The following RBFOX1 variants were observed in gnomAD, a reference collection of about 807,000 sequenced individuals.
RBFOX1 encodes RNA binding protein fox-1 homolog 1.
Under a neutral mutation model 57.7 loss-of-function variants are expected in RBFOX1, and 8 were observed. That is an observed-to-expected ratio of 0.14 (90% CI 0.08 to 0.25). The LOEUF is 0.25. Ranked by LOEUF, RBFOX1 falls within the 10% of genes least tolerant of loss-of-function variation. The probability of loss-of-function intolerance (pLI) is 1.00; values close to 1 mark genes in which losing one functional copy is unlikely to be tolerated. For missense variants in RBFOX1, 611 were observed against 548.5 expected, an observed-to-expected ratio of 1.11 and a Z score of -1.14; for synonymous variants, 326 against 222.4, an observed-to-expected ratio of 1.47 and a Z score of -4.15.
At chr16:5,359,359 G>T (rs957111902) in intron 1 of RBFOX1, among the ~76,000 whole-genome samples, 3 of 152,146 alleles carry the variant, frequency 2.0e-5, no homozygotes, top group Non-Finnish European at 4.4e-5. Flanking sequence ...TCATATGGTA[G>T]CTCCACTTTT....
At chr16:6,365,689 A>G (rs1254653834) in intron 2 of RBFOX1, among the ~76,000 whole-genome samples, 1 of 152,200 alleles carries the variant, frequency 6.6e-6, no homozygotes, top group Non-Finnish European at 1.5e-5. Flanking sequence ...TGGAAAGAAC[A>G]CAGGATTTGA....
intron 3 of RBFOX1, among the ~76,000 whole-genome samples, chr16:5,835,814 GA>G (rs1217594348): frequency 2.0e-5 from 3 of 152,150 alleles, no homozygotes; most frequent in African/African-American, 7.2e-5. Flanking sequence ...TTTTCTGGGG[GA>G]CAATTGATTA....
intron 3 of RBFOX1, among the ~76,000 whole-genome samples, chr16:5,635,875 A>G (rs571921375): frequency 6.6e-6 from 1 of 152,244 alleles, no homozygotes; most frequent in East Asian, 1.9e-4. Flanking sequence ...TGTTATAGAT[A>G]CACCAGCTAG....
intron 4 of RBFOX1, among the ~76,000 whole-genome samples, chr16:7,147,589 A>G (rs961829261): frequency 1.3e-5 from 2 of 152,160 alleles, no homozygotes; most frequent in Admixed American, 1.3e-4. Flanking sequence ...CTGTTCCTGC[A>G]TTAATTCACT....
chr16:7,204,820 C>T (rs964794886), intron 4 of RBFOX1, among the ~76,000 whole-genome samples: 1 of 152,298 alleles, frequency 6.6e-6, no homozygotes, highest in Middle Eastern at 3.4e-3. Context: ...GGTAACTCCT[C>T]ATTTTCCCCT....
At position 7,199,562 on chromosome 16, in the gene RBFOX1, G is replaced by A. The variant is rs190992579; in HGVS notation, c.27+147464G>A. Among the ~76,000 whole-genome samples the A allele has an allele frequency of 2.0e-3, 308 of 152,250 alleles. 1 individual carries two copies. Among genetic ancestry groups the A allele is most frequent in the African/African-American group, 7.0e-3 (290 of 41,546 alleles). ...GGAATGGTATCTACTTCCATACACA[G>A]AATCAGCCAATAATCTGATCAGGGC... On this transcript the variant is annotated intron_variant, in intron 4 of 15. Coordinates refer to ENST00000550418, the MANE Select transcript of RBFOX1 (RefSeq NM_018723.4).
At chr16:5,314,827 T>TG (rs200707584) in intron 1 of RBFOX1, among the ~76,000 whole-genome samples, 30 of 93,370 alleles carry the variant, frequency 3.2e-4, no homozygotes, top group South Asian at 1.4e-3. Context: ...CAGAAGATAT[T>TG]GGAAAAAAAA....
At chr16:7,515,954 C>T (rs1031117047) in intron 4 of RBFOX1, among the ~76,000 whole-genome samples, 4 of 152,130 alleles carry the variant, frequency 2.6e-5, no homozygotes, top group African/African-American at 9.7e-5. Flanking sequence ...AAGTGGTTCT[C>T]CTGCCTCAGT....
chr16:5,571,920 C>T (rs2046297358), intron 2 of RBFOX1, among the ~76,000 whole-genome samples: 1 of 152,236 alleles, frequency 6.6e-6, no homozygotes, highest in Non-Finnish European at 1.5e-5. Context: ...GAGGCGTGAG[C>T]CACTGTGCCC....
chr16:5,503,816 C>G (rs566942175), intron 2 of RBFOX1, among the ~76,000 whole-genome samples: 3 of 152,224 alleles, frequency 2.0e-5, no homozygotes, highest in Non-Finnish European at 4.4e-5. Flanking sequence ...TGTTCATCCC[C>G]TCCCCAAAGA....
intron 2 of RBFOX1, among the ~76,000 whole-genome samples, chr16:6,500,896 T>TTTGTTGTTTGTTTGTTTGTTTG (rs1555507187): frequency 7.0e-6 from 1 of 142,332 alleles, no homozygotes; most frequent in African/African-American, 2.6e-5. Flanking sequence ...TTTTTTTTTT[T>TTTGTTGTTTGTTTGTTTGTTTG]TTTTTAATGC....
At chr16:5,934,755 TG>T (rs1211427135) in intron 4 of RBFOX1, among the ~76,000 whole-genome samples, 1 of 152,182 alleles carries the variant, frequency 6.6e-6, no homozygotes, top group South Asian at 2.1e-4. Context: ...TTAATTAATG[TG>T]GGGGACTGAC....
At chr16:7,314,252 A>AC (rs1276496122) in intron 4 of RBFOX1, among the ~76,000 whole-genome samples, 3 of 152,150 alleles carry the variant, frequency 2.0e-5, no homozygotes, top group Non-Finnish European at 4.4e-5. Context: ...AAACGCAGTC[A>AC]CTGCCCGGCA....
At chr16:7,563,769 A>T (rs181501855) in intron 5 of RBFOX1, among the ~76,000 whole-genome samples, 1 of 151,954 alleles carries the variant, frequency 6.6e-6, no homozygotes, top group African/African-American at 2.4e-5. Context: ...CACCCACTCT[A>T]TTATATATTT....
chr16:5,818,478 C>T (rs1208145365), intron 3 of RBFOX1, among the ~76,000 whole-genome samples: 1 of 152,166 alleles, frequency 6.6e-6, no homozygotes, highest in Non-Finnish European at 1.5e-5. Flanking sequence ...GTTTTTTGAG[C>T]ACCAGCCATG....
At chr16:7,451,319 T>A (rs1242382739) in intron 4 of RBFOX1, among the ~76,000 whole-genome samples, 1 of 152,258 alleles carries the variant, frequency 6.6e-6, no homozygotes, top group Non-Finnish European at 1.5e-5. Context: ...GATGGTTCTT[T>A]CTTGCATTGA....
chr16:5,925,524 T>C (rs2058922277), intron 4 of RBFOX1, among the ~76,000 whole-genome samples: 1 of 152,194 alleles, frequency 6.6e-6, no homozygotes, highest in African/African-American at 2.4e-5. Flanking sequence ...AACATGAACA[T>C]GATTAGTGGT....
intron 2 of RBFOX1, among the ~76,000 whole-genome samples, chr16:6,335,785 AAAAAAG>A (rs1230150106): frequency 1.4e-4 from 21 of 147,842 alleles, no homozygotes; most frequent in African/African-American, 5.2e-4. Context: ...CCAAAAAAAA[AAAAAAG>A]AAAAAAAAAA....
chr16:6,335,693 G>A (rs1356941934), intron 2 of RBFOX1, among the ~76,000 whole-genome samples: 5 of 150,020 alleles, frequency 3.3e-5, no homozygotes, highest in African/African-American at 7.4e-5. Flanking sequence ...CAGGAGAATC[G>A]GTTGAACCCG....
Sources: allele counts gnomAD v4.1 joint callset (sites outside exome capture counted in the v4.1 genomes callset), GRCh38; gene constraint gnomAD v4.1.1; transcripts MANE v1.5; gene names NCBI Gene and HGNC (gene_info 2026-07-23, HGNC 2026-07-21).